The following SLC16A9 variants were observed in gnomAD, a reference collection of about 807,000 sequenced individuals.
SLC16A9 encodes the protein monocarboxylate transporter 9.
In SLC16A9, 26 loss-of-function variants were observed where a neutral mutation model predicts 44.3. That is an observed-to-expected ratio of 0.59 (90% CI 0.43 to 0.81). The LOEUF (loss-of-function observed/expected upper bound fraction) is 0.81. SLC16A9 is among the 40% of genes least tolerant of loss of function. SLC16A9 has a pLI of 0.00. For synonymous variants in SLC16A9, 230 were observed against 225.1 expected (o/e 1.02, Z -0.19); for missense variants, 559 against 595.8 (o/e 0.94, Z 0.64).
intron 1 of SLC16A9, among the ~76,000 whole-genome samples, chr10:59,707,185 G>C (rs1277050105): frequency 6.7e-6 from 1 of 149,332 alleles, no homozygotes; most frequent in South Asian, 2.2e-4. Context: ...TGGTGAAGTC[G>C]AGGCTGCAGT....
rs557367275 is a variant in SLC16A9, at chr10:59,662,894, T to C, written c.436+1333A>G. 5.3e-5 allele frequency among the ~76,000 whole-genome samples: 8 copies of C among 152,250 alleles called. No individual in the cohort carries two copies. In the East Asian group the frequency reaches 1.4e-3, roughly 26 times the overall value. ...GTGGCAATTCTCAAGGATCTAGAAC[T>C]AGAAATACCATTTGACCCAGCAATC... On this transcript the variant is annotated intron_variant, in intron 4 of 5. Transcript: ENST00000395348.
intron 4 of SLC16A9, among the ~76,000 whole-genome samples, chr10:59,658,735 C>G (rs1839404821): frequency 6.6e-6 from 1 of 152,204 alleles, no homozygotes; most frequent in African/African-American, 2.4e-5. Flanking sequence ...CCATCACTGC[C>G]TTAGCCATGT....
At chr10:59,705,710 C>T (rs1589002828) in intron 1 of SLC16A9, among the ~76,000 whole-genome samples, 1 of 152,054 alleles carries the variant, frequency 6.6e-6, no homozygotes, top group Non-Finnish European at 1.5e-5. Context: ...ATTAGGAATA[C>T]ATTATTCTTT....
intron 1 of SLC16A9, among the ~76,000 whole-genome samples, chr10:59,693,928 CTTATTTAT>C (rs369815285): frequency 4.6e-5 from 6 of 130,648 alleles, no homozygotes; most frequent in South Asian, 2.6e-4. Context: ...TTTAATTTTA[CTTATTTAT>C]TTATTTATTT....
rs892774942 is a variant in SLC16A9, at chr10:59,691,635, A to G, written c.-36-7308T>C. Reference sequence around the variant, plus strand: ...CCTAAAGCCAGAACCTGTTTTGTTTAAGGGGAAAGGAGAGTTGGCAAGTTC... The same window carrying G: ...CCTAAAGCCAGAACCTGTTTTGTTTGAGGGGAAAGGAGAGTTGGCAAGTTC... On this transcript the variant is annotated intron_variant, in intron 1 of 5. Coordinates refer to ENST00000395348, the MANE Select transcript of SLC16A9 (RefSeq NM_194298.3). Among the ~76,000 whole-genome samples, 10 of 152,316 alleles carry G rather than the reference A, an allele frequency of 6.6e-5. 1 individual carries two copies. In the East Asian group the frequency reaches 1.4e-3, roughly 21 times the overall value.
intron 2 of SLC16A9, among the ~76,000 whole-genome samples, chr10:59,673,947 C>T (rs1424471485): frequency 6.6e-6 from 1 of 152,112 alleles, no homozygotes; most frequent in Admixed American, 6.5e-5. Flanking sequence ...CATATACTTT[C>T]AATTATAAAA....
chr10:59,664,008 A>G (rs1037820831), intron 4 of SLC16A9, among the ~76,000 whole-genome samples: 5 of 149,554 alleles, frequency 3.3e-5, no homozygotes, highest in Non-Finnish European at 5.9e-5. Flanking sequence ...CATACAAGAC[A>G]TAAAAATTTA....
intron 1 of SLC16A9, among the ~76,000 whole-genome samples, chr10:59,707,161 G>A (rs189960370): frequency 6.2e-4 from 94 of 151,206 alleles, no homozygotes; most frequent in African/African-American, 2.2e-3. Context: ...TGAGGTGCGA[G>A]GATCACCTGA....
At chr10:59,679,485 A>G (rs1839940327) in intron 2 of SLC16A9, among the ~76,000 whole-genome samples, 1 of 152,190 alleles carries the variant, frequency 6.6e-6, no homozygotes, top group South Asian at 2.1e-4. Context: ...GGCATGTTGG[A>G]ACTCTCAGGG....
chr10:59,679,424 T>C (rs919336285), intron 2 of SLC16A9, among the ~76,000 whole-genome samples: 2 of 152,256 alleles, frequency 1.3e-5, no homozygotes, highest in Non-Finnish European at 2.9e-5. Flanking sequence ...AGCCAGACAA[T>C]ACCTGCCTAG....
intron 4 of SLC16A9, among the ~76,000 whole-genome samples, chr10:59,655,219 G>A (rs1391103505): frequency 6.6e-6 from 1 of 152,148 alleles, no homozygotes; most frequent in Non-Finnish European, 1.5e-5. Flanking sequence ...GAACCCAGGA[G>A]GTAGAGGTTG....
chr10:59,698,889 C>T (rs917830941), intron 1 of SLC16A9, among the ~76,000 whole-genome samples: 14 of 152,144 alleles, frequency 9.2e-5, no homozygotes, highest in Admixed American at 9.2e-4. Context: ...AGGCATCCGC[C>T]ACCATGCCCA....
rs1349954273 is a variant in SLC16A9 at position 59,654,184 on chromosome 10, T to G, written c.842A>C (p.Gln281Pro). ...TAACTGCCACTTCCTCTTGGCAAGCTGTTTGCAAAAATATGTCTGTTCTGC... is the reference window on the plus strand; with the variant it reads ...TAACTGCCACTTCCTCTTGGCAAGCGGTTTGCAAAAATATGTCTGTTCTGC... The part of the protein sequence containing the change: ...KVAEQTYFCK[Q>P]LAKRKWQLYK... The change falls in exon 5 of 6, where the codon CAG becomes CCG. Residue 281 changes from glutamine (Q) to proline (P), a missense_variant. Coordinates refer to ENST00000395348, the MANE Select transcript of SLC16A9 (RefSeq NM_194298.3). 1 of 1,614,114 alleles carries G rather than the reference T, an allele frequency of 6.2e-7. No individual in the cohort carries two copies. Among genetic ancestry groups the G allele is most frequent in the Admixed American group, 1.7e-5 (1 of 60,012 alleles).
At chr10:59,665,246 A>G (rs1213782274) in intron 3 of SLC16A9, among the ~76,000 whole-genome samples, 3 of 152,298 alleles carry the variant, frequency 2.0e-5, no homozygotes, top group South Asian at 4.1e-4. Flanking sequence ...CCACAACATT[A>G]TCTGTTCTTG....
intron 1 of SLC16A9, among the ~76,000 whole-genome samples, chr10:59,687,968 C>CA (rs3043427): frequency 0.34 from 48,197 of 140,618 alleles, 9,158 homozygotes; most frequent in Non-Finnish European, 0.43. Flanking sequence ...TCAACAACAA[C>CA]AAAAAAAAAA....
intron 2 of SLC16A9, among the ~76,000 whole-genome samples, chr10:59,678,523 C>CT (rs66495364): frequency 0.95 from 72,876 of 76,838 alleles, 34,917 homozygotes; most frequent in East Asian, 1. Context: ...TCCTACCAAT[C>CT]TTTTTTTTTT....
At chr10:59,664,460 C>G (rs1235933073) in intron 3 of SLC16A9, 138 bp from the exon 4 acceptor site, 1 of 490,182 alleles carries the variant, frequency 2.0e-6, no homozygotes, top group Non-Finnish European at 3.6e-6. Flanking sequence ...CTCCTAGATT[C>G]CTTCCATGTG....
At chr10:59,699,925 C>CAT (rs1239116143) in intron 1 of SLC16A9, among the ~76,000 whole-genome samples, 1 of 151,774 alleles carries the variant, frequency 6.6e-6, no homozygotes, top group Non-Finnish European at 1.5e-5. Context: ...CACACACACA[C>CAT]ACACACACAC....
In SLC16A9 at chr10:59,652,661, A is replaced by G; in HGVS notation, c.*111T>C. ...ATTCATTCAGAGTCAGTCATTGTGAAATTTTGCTATGAGAAAATAGTCTTG... is the reference window on the plus strand; with the variant it reads ...ATTCATTCAGAGTCAGTCATTGTGAGATTTTGCTATGAGAAAATAGTCTTG... On this transcript the variant is annotated 3_prime_UTR_variant, in exon 6 of 6. Coordinates refer to ENST00000395348, the MANE Select transcript of SLC16A9 (RefSeq NM_194298.3). 1.0e-6 allele frequency: 1 copy of G among 979,504 alleles called. No individual in the cohort carries two copies. The allele number at this position is 979,504 out of a possible 1,614,324, so 60.7% of individuals were successfully genotyped here. A position where few individuals can be genotyped will look rare whatever the true frequency, so the allele number is the denominator to read the frequency against.
Sources: gnomAD v4.1 joint callset for allele counts (sites outside exome capture counted in the v4.1 genomes callset) on GRCh38, gnomAD v4.1.1 for gene constraint, MANE v1.5 for transcripts, NCBI Gene and HGNC (gene_info 2026-07-23, HGNC 2026-07-21) for gene names.